The following RCAN2 variants were observed in gnomAD, a reference collection of about 807,000 sequenced individuals.
The protein encoded by RCAN2 is regulator of calcineurin 2, also known as calcipressin-2.
A neutral mutation model predicts 23.6 loss-of-function variants in RCAN2; 9 were observed. That is an observed-to-expected ratio of 0.38 (90% CI 0.23 to 0.67). The LOEUF is 0.67. Ranked by LOEUF, RCAN2 falls within the 30% of genes least tolerant of loss-of-function variation. RCAN2 has a pLI of 0.51. For missense variants in RCAN2, 273 were observed against 302.3 expected (o/e 0.90, Z 0.72); for synonymous variants, 109 against 115.7 (o/e 0.94, Z 0.37).
intron 1 of RCAN2, among the ~76,000 whole-genome samples, chr6:46,486,201 C>T (rs959036655): frequency 2.0e-5 from 3 of 152,130 alleles, no homozygotes; most frequent in Admixed American, 6.5e-5. Context: ...CTCAGAGAAC[C>T]GGCACTGAGT....
At chr6:46,378,371 T>C (rs1244759850) in intron 2 of RCAN2, among the ~76,000 whole-genome samples, 3 of 152,316 alleles carry the variant, frequency 2.0e-5, no homozygotes, top group Non-Finnish European at 4.4e-5. Flanking sequence ...GAATACCTGG[T>C]CCAATGTCTA....
chr6:46,289,169 C>T (rs1196312612), intron 2 of RCAN2, among the ~76,000 whole-genome samples: 1 of 152,184 alleles, frequency 6.6e-6, no homozygotes, highest in Non-Finnish European at 1.5e-5. Context: ...GGGTCTGATG[C>T]CAACTTCCTT....
In RCAN2 at chr6:46,412,841, G is replaced by A. The variant is rs185268026; in HGVS notation, c.225+43911C>T. On this transcript the variant is annotated intron_variant, in intron 2 of 4. Transcript: ENST00000371374. ...AGAGGGGTTGTTGGGCCTTTGCTAG[G>A]AACAGAGAGAATGATAGCTTTTGCC... 1.3e-4 allele frequency among the ~76,000 whole-genome samples: 20 copies of A among 152,286 alleles called. No individual in the cohort carries two copies. The East Asian group carries it at 2.7e-3, about 21-fold the overall frequency.
chr6:46,383,988 T>C (rs1231189724), intron 2 of RCAN2, among the ~76,000 whole-genome samples: 1 of 152,120 alleles, frequency 6.6e-6, no homozygotes, highest in East Asian at 1.9e-4. Flanking sequence ...GTGGATACAA[T>C]AGCAGGACAA....
chr6:46,319,010 A>T (rs546661607), intron 2 of RCAN2, among the ~76,000 whole-genome samples: 1 of 152,312 alleles, frequency 6.6e-6, no homozygotes, highest in South Asian at 2.1e-4. Context: ...ATGTGTTTTT[A>T]AAATTCTATT....
intron 2 of RCAN2, among the ~76,000 whole-genome samples, chr6:46,253,555 A>G (rs1276613939): frequency 1.3e-5 from 2 of 152,240 alleles, no homozygotes; most frequent in African/African-American, 4.8e-5. Flanking sequence ...TACTCAGAAT[A>G]TTACAAAGGT....
At chr6:46,275,840 A>G (rs1472495365) in intron 2 of RCAN2, among the ~76,000 whole-genome samples, 5 of 152,192 alleles carry the variant, frequency 3.3e-5, no homozygotes, top group Non-Finnish European at 7.3e-5. Flanking sequence ...GATGTTCCAC[A>G]AATGCAACAA....
intron 2 of RCAN2, among the ~76,000 whole-genome samples, chr6:46,456,336 G>A (rs1421796499): frequency 6.6e-6 from 1 of 152,172 alleles, no homozygotes; most frequent in East Asian, 1.9e-4. Context: ...TAGAACATTC[G>A]TCAAGCTGCG....
intron 2 of RCAN2, among the ~76,000 whole-genome samples, chr6:46,364,276 A>G (rs1183905709): frequency 2.6e-5 from 4 of 152,160 alleles, no homozygotes; most frequent in Non-Finnish European, 5.9e-5. Flanking sequence ...CACATTTTCA[A>G]TTTACATTCA....
intron 2 of RCAN2, among the ~76,000 whole-genome samples, chr6:46,394,219 A>G (rs1173020604): frequency 1.3e-5 from 2 of 152,244 alleles, no homozygotes; most frequent in African/African-American, 2.4e-5. Flanking sequence ...TAAGTCCGTG[A>G]CAGGTGGCAG....
chr6:46,453,768 A>T (rs1767946946), intron 2 of RCAN2, among the ~76,000 whole-genome samples: 1 of 152,204 alleles, frequency 6.6e-6, no homozygotes, highest in Non-Finnish European at 1.5e-5. Flanking sequence ...ATTCCTACCC[A>T]ACTATGGAAG....
intron 2 of RCAN2, among the ~76,000 whole-genome samples, chr6:46,401,304 T>G (rs961499450): frequency 6.6e-6 from 1 of 152,200 alleles, no homozygotes; most frequent in Admixed American, 6.5e-5. Context: ...GAACTGTCTC[T>G]TTCTGCCTTG....
intron 2 of RCAN2, among the ~76,000 whole-genome samples, chr6:46,435,818 C>T (rs748479985): frequency 6.6e-6 from 1 of 152,196 alleles, no homozygotes; most frequent in Non-Finnish European, 1.5e-5. Context: ...AAGTCCAACA[C>T]TTATCAGGCT....
intron 1 of RCAN2, among the ~76,000 whole-genome samples, chr6:46,487,750 C>T (rs1769035024): frequency 6.6e-6 from 1 of 152,234 alleles, no homozygotes; most frequent in Non-Finnish European, 1.5e-5. Context: ...ACCTCAGGCA[C>T]TCCCATTAGC....
chr6:46,456,476 CA>C (rs1170589160), intron 2 of RCAN2, among the ~76,000 whole-genome samples: 2 of 152,216 alleles, frequency 1.3e-5, no homozygotes, highest in African/African-American at 4.8e-5. Flanking sequence ...GCATTTCCTA[CA>C]ATCCATATTA....
At chr6:46,306,612 C>A (rs948770260) in intron 2 of RCAN2, among the ~76,000 whole-genome samples, 1 of 152,136 alleles carries the variant, frequency 6.6e-6, no homozygotes, top group Non-Finnish European at 1.5e-5. Flanking sequence ...TGGCTGCTCT[C>A]ACATGTATCA....
intron 1 of RCAN2, among the ~76,000 whole-genome samples, chr6:46,489,368 G>A (rs574583868): frequency 6.6e-6 from 1 of 152,344 alleles, no homozygotes; most frequent in Admixed American, 6.5e-5. Flanking sequence ...TGGGAGGCAT[G>A]GGCCTCATTC....
At chr6:46,297,729 G>A (rs1298705055) in intron 2 of RCAN2, among the ~76,000 whole-genome samples, 2 of 152,102 alleles carry the variant, frequency 1.3e-5, no homozygotes, top group Non-Finnish European at 2.9e-5. Context: ...TGCTAAGAAA[G>A]CTCCATTCTT....
intron 2 of RCAN2, among the ~76,000 whole-genome samples, chr6:46,397,855 T>C (rs1017449303): frequency 6.6e-6 from 1 of 152,178 alleles, no homozygotes; most frequent in African/African-American, 2.4e-5. Context: ...AATTAACACG[T>C]GAAAAAATCT....
Sources: gnomAD v4.1 joint callset for allele counts (sites outside exome capture counted in the v4.1 genomes callset) on GRCh38, gnomAD v4.1.1 for gene constraint, MANE v1.5 for transcripts, NCBI Gene and HGNC (gene_info 2026-07-23, HGNC 2026-07-21) for gene names.